The following DST variants were observed in gnomAD, a reference collection of about 807,000 sequenced individuals.
DST encodes bullous pemphigoid antigen.
DST carries 253 observed loss-of-function variants against 875.2 expected under a neutral mutation model. The observed-to-expected ratio is 0.29, with a 90% CI of 0.26 to 0.32. DST has a LOEUF of 0.32. DST is among the 10% of genes least tolerant of loss of function. The pLI is 1.00. For missense variants in DST, 8,287 were observed against 9,111.6 expected (o/e 0.91, Z 3.68); for synonymous variants, 3,124 against 3,197.1 (o/e 0.98, Z 0.77).
At chr6:56,471,643 A>T (rs2094899467) in intron 94 of DST, among the ~76,000 whole-genome samples, 1 of 152,064 alleles carries the variant, frequency 6.6e-6, no homozygotes, top group South Asian at 2.1e-4. Context: ...CACTCTCTTA[A>T]CTCCCCAGGG....
chr6:56,720,277 C>G (rs891343460), intron 5 of DST, among the ~76,000 whole-genome samples: 1 of 151,702 alleles, frequency 6.6e-6, no homozygotes, highest in Non-Finnish European at 1.5e-5. Flanking sequence ...AGGCTCTGTT[C>G]CACCTGGCTC....
intron 50 of DST, 133 bp from the exon 51 acceptor site, chr6:56,574,020 T>C: frequency 1.6e-6 from 1 of 610,218 alleles, no homozygotes; most frequent in Non-Finnish European, 2.8e-6. Context: ...GATAAATTCC[T>C]AATGCATAAT....
At chr6:56,761,033 A>T (rs76124493) in intron 4 of DST, among the ~76,000 whole-genome samples, 1,861 of 152,346 alleles carry the variant, frequency 0.012, 34 homozygotes, top group African/African-American at 0.042. Context: ...AGACTAGGTC[A>T]TAAAAAGCAA....
At chr6:56,488,688 T>TA (rs1199088783) in intron 86 of DST, among the ~76,000 whole-genome samples, 1 of 152,180 alleles carries the variant, frequency 6.6e-6, no homozygotes, top group Non-Finnish European at 1.5e-5. Context: ...CTTTAAAAAT[T>TA]ATGTTTCAAG....
chr6:56,610,780 T>C (rs1195982603), intron 38 of DST, among the ~76,000 whole-genome samples: 1 of 152,168 alleles, frequency 6.6e-6, no homozygotes, highest in Non-Finnish European at 1.5e-5. Context: ...GGAAAGGGTG[T>C]AAACTAATGT....
chr6:56,591,879 G>A (rs1188726512), intron 49 of DST, among the ~76,000 whole-genome samples: 1 of 151,462 alleles, frequency 6.6e-6, no homozygotes, highest in Non-Finnish European at 1.5e-5. Flanking sequence ...CTACTTGGGA[G>A]GCTGAGGCAG....
chr6:56,717,262 T>C (rs941049537), intron 5 of DST, among the ~76,000 whole-genome samples: 4 of 152,094 alleles, frequency 2.6e-5, no homozygotes, highest in Non-Finnish European at 5.9e-5. Context: ...CAGTTCACAA[T>C]AGGGTTCACA....
chr6:56,754,965 T>G (rs2099597960), intron 4 of DST, among the ~76,000 whole-genome samples: 1 of 152,142 alleles, frequency 6.6e-6, no homozygotes, highest in African/African-American at 2.4e-5. Context: ...AATTGGATTA[T>G]CCCTTCTATT....
chr6:56,941,173 G>A (rs1297523238), intron 2 of DST, among the ~76,000 whole-genome samples: 2 of 152,086 alleles, frequency 1.3e-5, no homozygotes, highest in East Asian at 3.9e-4. Context: ...TCTAAGATAA[G>A]CAGTTAAAGC....
At position 56,552,921 on chromosome 6, in the gene DST, A is replaced by G. The variant is rs1562741655; in HGVS notation, c.15871T>C (p.Cys5291Arg). 6.2e-7 allele frequency: 1 copy of G among 1,614,008 alleles called. No homozygotes were observed. Among genetic ancestry groups the G allele is most frequent in the East Asian group, 2.2e-5 (1 of 44,884 alleles). Residue 5291 changes from cysteine (C) to arginine (R), a missense_variant, in exon 61 of 104, where the codon TGT becomes CGT. By Grantham distance (180) the Cys-to-Arg change is radical. This residue lies in a region of DST where 1,513 missense variants were observed against 1,677.8 expected (regional missense o/e 0.90). Transcript: ENST00000680361. ...TGGATATCTAGCTGCTCCTTTGCAC[A>G]CTGAAGCTGCCTTTTAGATTCTTTG... is the stretch of plus-strand genomic sequence containing the variant. ...VSKESKRQLQ[C>R]AKEQLDIHDS...
chr6:56,843,181 C>G lies in DST; in HGVS notation c.625+8216G>C, dbSNP rs368391962. On this transcript the variant is annotated intron_variant, in intron 4 of 103. Coordinates refer to ENST00000680361, the MANE Select transcript of DST (RefSeq NM_001374736.1). ...ATCTAAGCGATGACTGACAAATTCC[C>G]CTCTCCCCCTCGTAACCCCCGGACA... The G allele has an allele frequency of 1.1e-5, 17 of 1,520,990 alleles. No homozygotes were observed. The African/African-American group carries it at 2.0e-4, about 18-fold the overall frequency. 94.2% of individuals were successfully genotyped at this position (1,520,990 alleles called of 1,614,324 possible).
At chr6:56,678,758 C>T (rs1002552471) in intron 9 of DST, among the ~76,000 whole-genome samples, 3 of 152,128 alleles carry the variant, frequency 2.0e-5, no homozygotes, top group Non-Finnish European at 4.4e-5. Flanking sequence ...AAAACATTAA[C>T]CAATAAAGAT....
intron 5 of DST, among the ~76,000 whole-genome samples, chr6:56,730,704 A>G (rs561196852): frequency 1.3e-5 from 2 of 152,350 alleles, no homozygotes; most frequent in African/African-American, 4.8e-5. Flanking sequence ...AGAATAATAT[A>G]TAAATGTTCC....
At chr6:56,940,961 T>C (rs1816235034) in intron 2 of DST, among the ~76,000 whole-genome samples, 2 of 152,202 alleles carry the variant, frequency 1.3e-5, no homozygotes, top group Admixed American at 1.3e-4. Context: ...AGTGATTTGA[T>C]CAGTCTAGCT....
At chr6:56,523,368 AC>A (rs2096741242) in intron 69 of DST, among the ~76,000 whole-genome samples, 1 of 152,158 alleles carries the variant, frequency 6.6e-6, no homozygotes. Flanking sequence ...AGAAAATCTA[AC>A]CCTGTCAAAT....
intron 4 of DST, among the ~76,000 whole-genome samples, chr6:56,812,465 A>ATTC (rs1480188733): frequency 2.0e-5 from 3 of 152,254 alleles, no homozygotes; most frequent in Admixed American, 6.5e-5. Context: ...CATAAACTGT[A>ATTC]TTCTATAGGA....
chr6:56,694,757 C>T (rs2099253667), intron 9 of DST, among the ~76,000 whole-genome samples: 1 of 152,032 alleles, frequency 6.6e-6, no homozygotes, highest in South Asian at 2.1e-4. Context: ...TGGGGGGTGT[C>T]TGGGTCACAG....
chr6:56,735,553 T>TCACCACCACCACCACCACCAC (rs1481488913), intron 4 of DST, among the ~76,000 whole-genome samples: 3 of 114,944 alleles, frequency 2.6e-5, no homozygotes, highest in African/African-American at 1.3e-4. Flanking sequence ...CCATAACCCC[T>TCACCACCACCACCACCACCAC]CATCACCACC....
At chr6:56,887,748 T>C (rs920491847) in intron 3 of DST, among the ~76,000 whole-genome samples, 1 of 152,090 alleles carries the variant, frequency 6.6e-6, no homozygotes. Flanking sequence ...AAAAGAATCA[T>C]GAGTTATGAA....
Sources: allele counts gnomAD v4.1 joint callset (sites outside exome capture counted in the v4.1 genomes callset), GRCh38; gene constraint gnomAD v4.1.1; regional missense constraint gnomAD v4.1.1; transcripts MANE v1.5; gene names NCBI Gene and HGNC (gene_info 2026-07-23, HGNC 2026-07-21).